RPGRIP1: variants seen among roughly 807,000 people sequenced by gnomAD.
RPGRIP1 encodes the protein RPGR interacting protein 1, also known as X-linked retinitis pigmentosa GTPase regulator-interacting protein 1.
RPGRIP1 carries 128 observed loss-of-function variants against 157.9 expected under a neutral mutation model. The ratio of observed to expected loss-of-function variants is 0.81; its 90% CI spans 0.70 to 0.94. The LOEUF (loss-of-function observed/expected upper bound fraction) is 0.94. Ranked by LOEUF, RPGRIP1 falls within the 40% of genes least tolerant of loss-of-function variation. The pLI, the probability that RPGRIP1 is intolerant of heterozygous loss-of-function variation, is 0.00. For missense variants in RPGRIP1, 1,486 were observed against 1,545.8 expected (o/e 0.96, Z 0.65); for synonymous variants, 554 against 571.6 (o/e 0.97, Z 0.44).
At chr14:21,338,629 G>A (rs1039253075) in intron 21 of RPGRIP1, among the ~76,000 whole-genome samples, 14 of 152,178 alleles carry the variant, frequency 9.2e-5, no homozygotes, top group Non-Finnish European at 1.9e-4. Flanking sequence ...AAAAATATTA[G>A]ATTGAACCAT....
At chr14:21,310,519 T>G in intron 7 of RPGRIP1, 65 bp from the exon 8 acceptor site, 1 of 807,134 alleles carries the variant, frequency 1.2e-6, no homozygotes, top group East Asian at 2.8e-5. Flanking sequence ...AAGCATTATA[T>G]TACAGTGATA....
At chr14:21,281,155 C>T (rs1336734675) in intron 1 of RPGRIP1, among the ~76,000 whole-genome samples, 2 of 151,776 alleles carry the variant, frequency 1.3e-5, no homozygotes, top group South Asian at 2.1e-4. Flanking sequence ...GTAGCTGGGA[C>T]TACAGGTGCG....
At chr14:21,304,423 GAA>G (rs1491153528) in intron 6 of RPGRIP1, among the ~76,000 whole-genome samples, 1 of 150,600 alleles carries the variant, frequency 6.6e-6, no homozygotes, top group East Asian at 2.0e-4. Context: ...AAGAAAGAAA[GAA>G]AGAAAGAAAG....
chr14:21,298,635 A>G (rs1044607598), intron 3 of RPGRIP1, among the ~76,000 whole-genome samples: 1 of 149,476 alleles, frequency 6.7e-6, no homozygotes, highest in Non-Finnish European at 1.5e-5. Context: ...AGTGATTAAG[A>G]TCTTCGTTTA....
chr14:21,303,635 G>C, intron 6 of RPGRIP1, 92 bp downstream of exon 6: 2 of 966,054 alleles, frequency 2.1e-6, no homozygotes, highest in Non-Finnish European at 3.1e-6. Context: ...CAGAGGAAAA[G>C]AGTGTTTGGG....
Position 21,325,343 on chromosome 14 carries a change from C to G in RPGRIP1, c.2327C>G (p.Ser776Ter), listed in dbSNP as rs775817675. The G allele has an allele frequency of 3.8e-6, 6 of 1,599,650 alleles. No individual in the cohort carries two copies. Among genetic ancestry groups the G allele is most frequent in the Non-Finnish European group, 5.1e-6 (6 of 1,173,036 alleles). ...CGAAAGAAAGCCCAGGTCTACCTGT[C>G]AACCGATGTGCTTGGAGGCCGGAAG... ...NKRKKAQVYL[S>*]TDVLGGRKAQ... Residue 776 changes from serine (S) to a stop codon, truncating the protein, a stop_gained, in exon 16 of 25, where the codon TCA (serine) becomes TGA (stop). Transcript: ENST00000400017. LOFTEE classifies it high-confidence loss of function.
chr14:21,285,227 C>T (rs1275918578), intron 1 of RPGRIP1, among the ~76,000 whole-genome samples: 2 of 151,796 alleles, frequency 1.3e-5, no homozygotes, highest in East Asian at 3.8e-4. Flanking sequence ...GTGCTCAGTT[C>T]AGCTACCAAA....
chr14:21,347,604 T>C (rs2139362892), intron 23 of RPGRIP1, among the ~76,000 whole-genome samples: 1 of 152,334 alleles, frequency 6.6e-6, no homozygotes, highest in East Asian at 1.9e-4. Flanking sequence ...AATATTTGCT[T>C]TTAAAAATTA....
rs1208451312 is a variant in RPGRIP1, at chr14:21,307,770, G to A, written c.840G>A (p.Lys280=). Residue 280 remains lysine, a synonymous_variant, in exon 7 of 25, where the codon AAG becomes AAA. Transcript: ENST00000400017. Reference sequence around the variant, plus strand: ...AGAAGGTAGAGCTGATTCGACTTAAGAAGCTCTTACATGAAAGAAATGCTT... The same window carrying A: ...AGAAGGTAGAGCTGATTCGACTTAAAAAGCTCTTACATGAAAGAAATGCTT... ...IKEKVELIRL[K]KLLHERNASL... 6.4e-7 allele frequency: 1 copy of A among 1,569,620 alleles called. No homozygotes were observed. The highest frequency in any genetic ancestry group is 1.9e-5 in the Admixed American group (1 of 52,722).
intron 24 of RPGRIP1, among the ~76,000 whole-genome samples, chr14:21,349,935 T>A (rs574907651): frequency 6.6e-6 from 1 of 152,224 alleles, no homozygotes; most frequent in African/African-American, 2.4e-5. Flanking sequence ...ACCTATCTTA[T>A]CTGCTAGGAC....
At chr14:21,291,340 G>A (rs1880519815) in intron 2 of RPGRIP1, among the ~76,000 whole-genome samples, 1 of 152,158 alleles carries the variant, frequency 6.6e-6, no homozygotes, top group African/African-American at 2.4e-5. Flanking sequence ...GAGTCATAGT[G>A]ATAGGAAACC....
rs67535379 is a variant in RPGRIP1 at position 21,343,866 on chromosome 14, G to GTTTTT, written c.3532+675_3532+679dup. 2.4e-4 allele frequency among the ~76,000 whole-genome samples: 12 copies of GTTTTT among 50,422 alleles called. 2 individuals carry two copies. Among genetic ancestry groups the GTTTTT allele is most frequent in the African/African-American group, 3.1e-4 (4 of 13,030 alleles). 33.1% of individuals were successfully genotyped at this position (50,422 alleles called of 152,430 possible). ...TGATTTTTGTTCTTCCTCTTTTCCT[G>GTTTTT]TTTTTTTTTTTTTTTTTTTTTTTTT... On this transcript the variant is annotated intron_variant, in intron 22 of 24. Transcript: ENST00000400017.
In RPGRIP1 at chr14:21,334,697, C is replaced by G; in HGVS notation, c.3331C>G (p.Pro1111Ala). Reference protein sequence around the residue: ...VIVPPMSQKYPKADSEKMCIE... With the variant: ...VIVPPMSQKYAKADSEKMCIE... ...AGTGCCACCCATGTCTCAGAAATAT[C>G]CTAAGGCAGTAAGTACACTGGAGTA... The change falls in exon 21 of 25, where the codon CCT becomes GCT. Residue 1111 changes from proline (P) to alanine (A), a missense_variant. Physicochemically the swap from Pro to Ala is conservative, Grantham distance 27 (BLOSUM62 -1). Coordinates refer to ENST00000400017, the MANE Select transcript of RPGRIP1 (RefSeq NM_020366.4). 1 of 1,592,316 alleles carries G rather than the reference C, an allele frequency of 6.3e-7. No individual in the cohort carries two copies.
intron 2 of RPGRIP1, among the ~76,000 whole-genome samples, chr14:21,292,767 G>A (rs767727441): frequency 6.6e-6 from 1 of 151,958 alleles, no homozygotes; most frequent in Non-Finnish European, 1.5e-5. Flanking sequence ...GCTTGAACCT[G>A]GGAGACAGGG....
intron 1 of RPGRIP1, among the ~76,000 whole-genome samples, chr14:21,284,283 T>C (rs1880227398): frequency 6.6e-6 from 1 of 152,136 alleles, no homozygotes; most frequent in Non-Finnish European, 1.5e-5. Context: ...TCAAGCTAGC[T>C]TCAACAAAAA....
In RPGRIP1 at chr14:21,324,779, C is replaced by T. The variant is rs779025194; in HGVS notation, c.1924C>T (p.Leu642=). Residue 642 remains leucine (L), a synonymous_variant, in exon 15 of 25, where the codon CTA becomes TTA. Transcript: ENST00000400017. ...CCAGGCCTTCCTGACATCTGCCGCC[C>T]TAGCTCAGGCTGGAGATACCCAACC... ...IHQAFLTSAA[L]AQAGDTQPTT... is the part of the protein sequence containing the mutation. The T allele has an allele frequency of 2.5e-6, 4 of 1,613,944 alleles. No individual in the cohort carries two copies. Among genetic ancestry groups the T allele is most frequent in the East Asian group, 2.2e-5 (1 of 44,900 alleles).
At chr14:21,296,649 T>C (rs2139148705) in intron 3 of RPGRIP1, among the ~76,000 whole-genome samples, 1 of 151,852 alleles carries the variant, frequency 6.6e-6, no homozygotes, top group South Asian at 2.1e-4. Flanking sequence ...TCGTGCCCAG[T>C]TAATTTATTA....
intron 19 of RPGRIP1, among the ~76,000 whole-genome samples, chr14:21,329,094 A>C (rs1359086341): frequency 2.0e-5 from 3 of 148,046 alleles, no homozygotes; most frequent in African/African-American, 7.6e-5. Flanking sequence ...TGGTGAGCTA[A>C]GATCGCGCCA....
intron 20 of RPGRIP1, among the ~76,000 whole-genome samples, chr14:21,332,274 G>T (rs1256109386): frequency 6.6e-6 from 1 of 152,020 alleles, no homozygotes; most frequent in African/African-American, 2.4e-5. Context: ...AATGTATTTG[G>T]CATAACTTCT....
Sources: gnomAD v4.1 joint callset for allele counts (sites outside exome capture counted in the v4.1 genomes callset) on GRCh38, gnomAD v4.1.1 for gene constraint, MANE v1.5 for transcripts, NCBI Gene and HGNC (gene_info 2026-07-23, HGNC 2026-07-21) for gene names.